Variants in JAM2 observed in about 807,000 individuals in gnomAD.
JAM2 encodes junctional adhesion molecule B.
A neutral mutation model predicts 42.0 loss-of-function variants in JAM2; 17 were observed. The ratio of observed to expected loss-of-function variants is 0.40; its 90% CI spans 0.28 to 0.61. JAM2 has a LOEUF of 0.61. JAM2 is among the 20% of genes least tolerant of loss of function. JAM2 has a pLI of 0.37. For synonymous variants in JAM2, 118 were observed against 128.6 expected (o/e 0.92, Z 0.56); for missense variants, 319 against 358.3 (o/e 0.89, Z 0.89).
At chr21:25,696,238 A>C (rs958649147) in intron 4 of JAM2, among the ~76,000 whole-genome samples, 4 of 151,886 alleles carry the variant, frequency 2.6e-5, no homozygotes, top group Non-Finnish European at 4.4e-5. Flanking sequence ...AAATACGAAA[A>C]CCAGTCAGGC....
intron 1 of JAM2, among the ~76,000 whole-genome samples, chr21:25,661,007 C>T (rs2033074036): frequency 6.6e-6 from 1 of 150,978 alleles, no homozygotes; most frequent in South Asian, 2.1e-4. Context: ...TGTTGGCCAG[C>T]CTGGAACCCC....
rs778687865 is a variant in JAM2, at chr21:25,715,985, CTTTTTTTTTTT to C, written c.*1322_*1332del. Reference sequence around the variant, plus strand: ...ATGAACATGATGGTTAATCTTCTTTCTTTTTTTTTTTTTTTTTTTGAGACGGAGTCTCACTC... The same window carrying C: ...ATGAACATGATGGTTAATCTTCTTTCTTTTTTTTGAGACGGAGTCTCACTC... On this transcript the variant is annotated 3_prime_UTR_variant, in exon 10 of 10. Transcript: ENST00000480456. 8.5e-6 allele frequency: 1 copy of C among 117,256 alleles called. No individual in the cohort carries two copies. The highest frequency in any genetic ancestry group is 1.7e-5 in the Non-Finnish European group (1 of 58,988). 7.3% of individuals were successfully genotyped at this position (117,256 alleles called of 1,614,324 possible). A position where few individuals can be genotyped will look rare whatever the true frequency, so the allele number is the denominator to read the frequency against.
At chr21:25,643,625 G>T (rs1309709545) in intron 1 of JAM2, 1 of 152,244 alleles carries the variant, frequency 6.6e-6, no homozygotes, top group African/African-American at 2.4e-5. Flanking sequence ...CTGGAGAGAA[G>T]TGGTTCCGTG....
intron 3 of JAM2, 32 bp downstream of exon 3, chr21:25,690,005 C>A: frequency 1.6e-6 from 2 of 1,279,300 alleles, no homozygotes; most frequent in Non-Finnish European, 2.3e-6. Context: ...GAGGTGTGAG[C>A]AAGAGAATGC....
intron 1 of JAM2, among the ~76,000 whole-genome samples, chr21:25,658,893 C>T (rs1601001556): frequency 6.6e-6 from 1 of 152,134 alleles, no homozygotes; most frequent in East Asian, 1.9e-4. Context: ...CAAGGCAGGA[C>T]TTAGAGTTAC....
At chr21:25,672,084 A>G (rs944120019) in intron 1 of JAM2, among the ~76,000 whole-genome samples, 53 of 151,890 alleles carry the variant, frequency 3.5e-4, no homozygotes, top group Non-Finnish European at 6.9e-4. Context: ...TGTCACATAC[A>G]TTGTTTAAGC....
intron 1 of JAM2, among the ~76,000 whole-genome samples, chr21:25,682,662 G>A (rs2033662011): frequency 6.6e-6 from 1 of 152,236 alleles, no homozygotes; most frequent in South Asian, 2.1e-4. Flanking sequence ...CATGGGCCGA[G>A]GGCCAGTGTG....
intron 2 of JAM2, among the ~76,000 whole-genome samples, chr21:25,684,242 T>A (rs2033700752): frequency 1.3e-5 from 2 of 152,216 alleles, no homozygotes; most frequent in South Asian, 4.1e-4. Flanking sequence ...GCTTGGAAAG[T>A]TTCTAGCCAG....
chr21:25,663,569 T>G (rs2033144510), intron 1 of JAM2, among the ~76,000 whole-genome samples: 1 of 152,096 alleles, frequency 6.6e-6, no homozygotes, highest in South Asian at 2.1e-4. Context: ...GATTAACAAT[T>G]TAAGGAATTA....
intron 1 of JAM2, among the ~76,000 whole-genome samples, chr21:25,642,647 A>G (rs189635886): frequency 1.6e-4 from 25 of 152,200 alleles, no homozygotes; most frequent in Admixed American, 2.0e-4. Context: ...CTGTTGATAT[A>G]TGGATATTTT....
In JAM2 at chr21:25,715,985, C is replaced by CTTTTTTT. The variant is rs778687865; in HGVS notation, c.*1326_*1332dup. 11 of 117,250 alleles carry CTTTTTTT rather than the reference C, an allele frequency of 9.4e-5. No individual in the cohort carries two copies. The highest frequency in any genetic ancestry group is 2.4e-4 in the East Asian group (1 of 4,096). 7.3% of individuals were successfully genotyped at this position (117,250 alleles called of 1,614,324 possible). On this transcript the variant is annotated 3_prime_UTR_variant, in exon 10 of 10. Coordinates refer to ENST00000480456, the MANE Select transcript of JAM2 (RefSeq NM_021219.4). ...ATGAACATGATGGTTAATCTTCTTTCTTTTTTTTTTTTTTTTTTTGAGACG... is the reference window on the plus strand; with the variant it reads ...ATGAACATGATGGTTAATCTTCTTTCTTTTTTTTTTTTTTTTTTTTTTTTTTGAGACG...
intron 3 of JAM2, 136 bp downstream of exon 3, chr21:25,690,109 T>C: frequency 1.6e-6 from 1 of 623,668 alleles, no homozygotes. Flanking sequence ...AAAGCAACCA[T>C]GTCTGAGACA....
chr21:25,675,550 GGGAAGGAAGGAAGGAAGGAGGGAA>G (rs2033465856), intron 1 of JAM2, among the ~76,000 whole-genome samples: 2 of 148,548 alleles, frequency 1.3e-5, no homozygotes, highest in Admixed American at 6.7e-5. Context: ...GAGGAAGGAG[GGGAAGGAAGGAAGGAAGGAGGGAA>G]GGAAGGAAGG....
chr21:25,646,751 T>C (rs1233565152), intron 1 of JAM2, among the ~76,000 whole-genome samples: 3 of 152,166 alleles, frequency 2.0e-5, no homozygotes, highest in African/African-American at 4.8e-5. Flanking sequence ...GAGAAGCAAA[T>C]CCTGTGAAAG....
intron 1 of JAM2, among the ~76,000 whole-genome samples, chr21:25,652,721 T>C (rs990334942): frequency 1.4e-4 from 22 of 152,222 alleles, no homozygotes; most frequent in African/African-American, 5.1e-4. Context: ...CCTATAATGT[T>C]CTATCTGATT....
At chr21:25,639,945 C>T in intron 1 of JAM2, 57 bp downstream of exon 1, 1 of 1,252,488 alleles carries the variant, frequency 8.0e-7, no homozygotes. Context: ...CCCCACCCTC[C>T]AGCCCCCCAC....
At chr21:25,672,697 A>G (rs138696261) in intron 1 of JAM2, among the ~76,000 whole-genome samples, 7 of 152,326 alleles carry the variant, frequency 4.6e-5, no homozygotes, top group Middle Eastern at 6.8e-3. Context: ...GTGCGCCTAT[A>G]CACAACGCAG....
At chr21:25,693,613 T>C (rs2033930597) in intron 3 of JAM2, 143 bp from the exon 4 acceptor site, 1 of 682,818 alleles carries the variant, frequency 1.5e-6, no homozygotes, top group East Asian at 2.8e-5. Flanking sequence ...TAACAGCATC[T>C]ATATACAACT....
At chr21:25,689,519 T>A (rs2033829684) in intron 2 of JAM2, among the ~76,000 whole-genome samples, 1 of 152,210 alleles carries the variant, frequency 6.6e-6, no homozygotes, top group Non-Finnish European at 1.5e-5. Flanking sequence ...AGACACATAG[T>A]TAATCATAGC....
Sources: allele counts gnomAD v4.1 joint callset (sites outside exome capture counted in the v4.1 genomes callset), GRCh38; gene constraint gnomAD v4.1.1; transcripts MANE v1.5; gene names NCBI Gene and HGNC (gene_info 2026-07-23, HGNC 2026-07-21).